The following CDC42BPA variants were observed in gnomAD, a reference collection of about 807,000 sequenced individuals.
CDC42BPA encodes serine/threonine-protein kinase MRCK alpha.
A neutral mutation model predicts 223.5 loss-of-function variants in CDC42BPA; 80 were observed. That is an observed-to-expected ratio of 0.36 (90% confidence interval 0.30 to 0.43). CDC42BPA has a LOEUF of 0.43. CDC42BPA is among the 20% of genes least tolerant of loss of function. The probability of loss-of-function intolerance (pLI) is 1.00; values close to 1 mark genes in which losing one functional copy is unlikely to be tolerated. For missense variants in CDC42BPA, 1,743 were observed against 2,099.9 expected, an observed-to-expected ratio of 0.83 and a Z score of 3.32; for synonymous variants, 694 against 718.6, an observed-to-expected ratio of 0.97 and a Z score of 0.55.
chr1:227,013,190 C>T (rs1665543369), intron 34 of CDC42BPA, among the ~76,000 whole-genome samples: 1 of 152,062 alleles, frequency 6.6e-6, no homozygotes, highest in Non-Finnish European at 1.5e-5. Flanking sequence ...ACATTAAAAA[C>T]TGAAATGCAA....
intron 15 of CDC42BPA, among the ~76,000 whole-genome samples, chr1:227,097,671 C>A (rs1357615936): frequency 2.0e-5 from 3 of 152,192 alleles, no homozygotes; most frequent in Admixed American, 1.3e-4. Context: ...CTCAAGCATG[C>A]ACACTAAGAG....
intron 14 of CDC42BPA, among the ~76,000 whole-genome samples, chr1:227,103,832 A>G (rs559584580): frequency 3.3e-5 from 5 of 152,214 alleles, no homozygotes; most frequent in African/African-American, 1.2e-4. Context: ...ACAGTTAATT[A>G]TTTTTAGACC....
rs529021672 is a variant in CDC42BPA, at chr1:227,215,175, C to A, written c.271-1956G>T. ...TTCTAAAATCCAAAAATATTGGAACCAAAACCACCTCTGGAATATGCAACT... is the reference window on the plus strand; with the variant it reads ...TTCTAAAATCCAAAAATATTGGAACAAAAACCACCTCTGGAATATGCAACT... On this transcript the variant is annotated intron_variant, in intron 2 of 36. Transcript: ENST00000366766. 4.3e-3 allele frequency among the ~76,000 whole-genome samples: 653 copies of A among 152,226 alleles called. 5 individuals are homozygous for A. Among genetic ancestry groups the A allele is most frequent in the Non-Finnish European group, 7.1e-3 (480 of 68,008 alleles).
At chr1:227,165,740 G>A (rs931937000) in intron 5 of CDC42BPA, among the ~76,000 whole-genome samples, 2 of 152,054 alleles carry the variant, frequency 1.3e-5, no homozygotes, top group Non-Finnish European at 2.9e-5. Flanking sequence ...TCCAAAATTC[G>A]CAAATCTAGA....
intron 23 of CDC42BPA, among the ~76,000 whole-genome samples, 189 bp downstream of exon 23, chr1:227,047,738 A>G (rs922887966): frequency 6.6e-6 from 1 of 152,180 alleles, no homozygotes; most frequent in Non-Finnish European, 1.5e-5. Context: ...ATTTAAGAAG[A>G]TGAAAAAGTG....
chr1:227,019,534 A>G (rs894878060), intron 32 of CDC42BPA, among the ~76,000 whole-genome samples: 4 of 152,164 alleles, frequency 2.6e-5, no homozygotes, highest in African/African-American at 9.7e-5. Context: ...AAGGTTTTCA[A>G]TCTATTTTGC....
intron 6 of CDC42BPA, among the ~76,000 whole-genome samples, chr1:227,160,019 C>CA (rs1021876870): frequency 3.3e-5 from 5 of 151,478 alleles, no homozygotes; most frequent in Admixed American, 6.6e-5. Context: ...ATTAAGTAAA[C>CA]AAAAAAAACC....
chr1:227,104,481 C>G (rs1685562831), intron 14 of CDC42BPA, among the ~76,000 whole-genome samples: 1 of 152,044 alleles, frequency 6.6e-6, no homozygotes, highest in Non-Finnish European at 1.5e-5. Context: ...TCTTGAACTA[C>G]TTAAAATCAT....
At chr1:227,272,337 GGAA>G (rs1439726613) in intron 1 of CDC42BPA, among the ~76,000 whole-genome samples, 1 of 151,956 alleles carries the variant, frequency 6.6e-6, no homozygotes, top group African/African-American at 2.4e-5. Flanking sequence ...CTTTGGATGG[GGAA>G]GAAGTTTTCT....
chr1:227,241,686 C>G (rs1257420633), intron 2 of CDC42BPA, among the ~76,000 whole-genome samples: 1 of 152,066 alleles, frequency 6.6e-6, no homozygotes, highest in African/African-American at 2.4e-5. Flanking sequence ...GGGGAACCAA[C>G]GAGGAAGAAA....
intron 3 of CDC42BPA, among the ~76,000 whole-genome samples, chr1:227,200,993 T>G (rs576171789): frequency 6.6e-5 from 10 of 152,236 alleles, no homozygotes; most frequent in Non-Finnish European, 1.5e-4. Flanking sequence ...CTTTGTCTTT[T>G]AATTGTTCAC....
At chr1:227,018,354 C>T (rs928128743) in intron 32 of CDC42BPA, among the ~76,000 whole-genome samples, 7 of 152,106 alleles carry the variant, frequency 4.6e-5, no homozygotes, top group African/African-American at 1.2e-4. Context: ...AACACTTTGA[C>T]CTCTTAAGAA....
At chr1:226,995,188 C>T (rs925055050) in intron 35 of CDC42BPA, among the ~76,000 whole-genome samples, 18 of 152,272 alleles carry the variant, frequency 1.2e-4, no homozygotes, top group South Asian at 4.1e-4. Flanking sequence ...ACCCCAGCCA[C>T]GGGGACTCCC....
At chr1:227,024,763 T>G (rs1667954700) in intron 31 of CDC42BPA, among the ~76,000 whole-genome samples, 1 of 152,202 alleles carries the variant, frequency 6.6e-6, no homozygotes, top group African/African-American at 2.4e-5. Context: ...TACTTAAATA[T>G]GCAAAAATTC....
intron 23 of CDC42BPA, among the ~76,000 whole-genome samples, chr1:227,047,147 A>G (rs1558369335): frequency 6.6e-6 from 1 of 152,036 alleles, no homozygotes; most frequent in South Asian, 2.1e-4. Flanking sequence ...TATTAAAGTC[A>G]TCTATTTAGT....
intron 16 of CDC42BPA, among the ~76,000 whole-genome samples, chr1:227,088,459 T>C (rs1017499775): frequency 3.0e-4 from 45 of 152,212 alleles, no homozygotes; most frequent in African/African-American, 9.9e-4. Context: ...TATACATGAT[T>C]GCAATTATGT....
At chr1:227,261,124 C>CTTTCTTTCTTTTTTTTT (rs386417862) in intron 1 of CDC42BPA, among the ~76,000 whole-genome samples, 2 of 121,000 alleles carry the variant, frequency 1.7e-5, no homozygotes, top group Non-Finnish European at 3.3e-5. Flanking sequence ...TTGAGTTTTT[C>CTTTCTTTCTTTTTTTTT]TTTTTTTTTG....
intron 3 of CDC42BPA, among the ~76,000 whole-genome samples, chr1:227,210,080 T>C (rs1490727872): frequency 6.6e-6 from 1 of 152,146 alleles, no homozygotes; most frequent in Non-Finnish European, 1.5e-5. Context: ...CCTGGTTTAG[T>C]CTTGGGAGAG....
At chr1:227,264,038 T>C (rs1684565947) in intron 1 of CDC42BPA, among the ~76,000 whole-genome samples, 1 of 152,226 alleles carries the variant, frequency 6.6e-6, no homozygotes, top group South Asian at 2.1e-4. Flanking sequence ...CAGTGCAGAA[T>C]ATAATTTATA....
Sources: allele counts gnomAD v4.1 joint callset (sites outside exome capture counted in the v4.1 genomes callset), GRCh38; gene constraint gnomAD v4.1.1; transcripts MANE v1.5; gene names NCBI Gene and HGNC (gene_info 2026-07-23, HGNC 2026-07-21).